WWOX: variants seen among roughly 807,000 people sequenced by gnomAD.
WWOX encodes WW domain containing oxidoreductase, also known as WW domain-containing oxidoreductase.
WWOX carries 69 observed loss-of-function variants against 46.2 expected under a neutral mutation model. The observed-to-expected ratio is 1.49, with a 90% confidence interval of 1.23 to 1.82. WWOX has a LOEUF of 1.82. WWOX is among the 40% of genes most tolerant of loss of function. The pLI, the probability that WWOX is intolerant of heterozygous loss-of-function variation, is 0.00. For synonymous variants in WWOX, 359 were observed against 202.6 expected, an observed-to-expected ratio of 1.77 and a Z score of -6.56; for missense variants, 919 against 542.6, an observed-to-expected ratio of 1.69 and a Z score of -6.89.
chr16:78,455,579 G>T (rs2083795139), intron 8 of WWOX, among the ~76,000 whole-genome samples: 1 of 146,780 alleles, frequency 6.8e-6, no homozygotes, highest in Non-Finnish European at 1.5e-5. Flanking sequence ...GGAGTAGGAG[G>T]CTGCAGTAAG....
chr16:78,195,768 G>A (rs943390655), intron 5 of WWOX, among the ~76,000 whole-genome samples: 4 of 142,750 alleles, frequency 2.8e-5, no homozygotes, highest in Non-Finnish European at 6.0e-5. Flanking sequence ...GTTGGCGTGA[G>A]CTGAGATCGC....
At chr16:78,195,971 A>G (rs71396164) in intron 5 of WWOX, among the ~76,000 whole-genome samples, 8,445 of 152,270 alleles carry the variant, frequency 0.055, 284 homozygotes, top group Non-Finnish European at 0.083. Flanking sequence ...GTAAGCTAAG[A>G]AAAGATAAGA....
At chr16:78,444,501 G>GAAGGAT (rs1435116866) in intron 8 of WWOX, among the ~76,000 whole-genome samples, 1 of 151,562 alleles carries the variant, frequency 6.6e-6, no homozygotes, top group Non-Finnish European at 1.5e-5. Context: ...GAAATTATAG[G>GAAGGAT]AAGGATACAG....
chr16:78,774,386 C>T (rs1009129420), intron 8 of WWOX, among the ~76,000 whole-genome samples: 1 of 151,812 alleles, frequency 6.6e-6, no homozygotes, highest in African/African-American at 2.4e-5. Flanking sequence ...GGTGACAGAG[C>T]GAGACAATGT....
Position 78,115,068 on chromosome 16 carries a change from A to T in WWOX, c.323A>T (p.Asp108Val), listed in dbSNP as rs771426542. The T allele has an allele frequency of 7.4e-6, 12 of 1,614,074 alleles. No individual in the cohort carries two copies. In the South Asian group the frequency reaches 1.2e-4, roughly 16 times the overall value. The change falls in exon 4 of 9, where the codon GAC (aspartate) becomes GTC (valine). Residue 108 changes from aspartate to valine, a missense_variant. Asp to Val is a radical substitution (Grantham distance 152, BLOSUM62 -3). Transcript: ENST00000566780. The stretch of plus-strand genomic sequence containing the variant: ...AAGCCAACCACCCGGCAAAGATACG[A>T]CGGCAGCACCACTGCCATGGAAATT... The part of the protein sequence containing the change: ...PTKPTTRQRY[D>V]GSTTAMEILQ...
intron 8 of WWOX, among the ~76,000 whole-genome samples, chr16:78,572,190 A>G (rs1425130661): frequency 6.6e-6 from 1 of 152,168 alleles, no homozygotes; most frequent in African/African-American, 2.4e-5. Flanking sequence ...CTACAATGAA[A>G]TGGGGAAATT....
intron 8 of WWOX, among the ~76,000 whole-genome samples, chr16:78,690,150 C>T (rs536626128): frequency 2.6e-4 from 39 of 152,224 alleles, no homozygotes; most frequent in East Asian, 9.7e-4. Flanking sequence ...TGTGAGCCAC[C>T]GAGCCCGGCC....
At chr16:79,058,961 C>T (rs188589618) in intron 8 of WWOX, among the ~76,000 whole-genome samples, 18 of 152,202 alleles carry the variant, frequency 1.2e-4, no homozygotes, top group African/African-American at 3.9e-4. Flanking sequence ...ACACATAGCA[C>T]CTTAAATCTG....
In WWOX at chr16:78,527,902, C is replaced by G. The variant is rs147992531; in HGVS notation, c.1056+95150C>G. On this transcript the variant is annotated intron_variant, in intron 8 of 8. Transcript: ENST00000566780. ...CCTGCAGTGCAAAGGACCATGCCCA[C>G]CACAAAATATCAGCAGTGCCCAGGT... Among the ~76,000 whole-genome samples the G allele has an allele frequency of 1.3e-3, 202 of 151,494 alleles. 7 individuals carry two copies. The South Asian group carries it at 0.04, about 30-fold the overall frequency.
At chr16:78,796,330 T>A (rs2050736662) in intron 8 of WWOX, among the ~76,000 whole-genome samples, 1 of 152,210 alleles carries the variant, frequency 6.6e-6, no homozygotes, top group Admixed American at 6.5e-5. Context: ...GCTGGATCCT[T>A]TAAGTCCAGA....
At chr16:79,033,768 A>G (rs561456512) in intron 8 of WWOX, among the ~76,000 whole-genome samples, 2 of 152,310 alleles carry the variant, frequency 1.3e-5, no homozygotes, top group South Asian at 2.1e-4. Context: ...TACTTTGTCT[A>G]TGAATTCGAC....
chr16:78,676,138 C>A (rs545752084), intron 8 of WWOX, among the ~76,000 whole-genome samples: 1 of 151,816 alleles, frequency 6.6e-6, no homozygotes, highest in Non-Finnish European at 1.5e-5. Flanking sequence ...GACTGAGAGC[C>A]CCCAAGGGTT....
At chr16:78,942,583 A>G (rs975241521) in intron 8 of WWOX, among the ~76,000 whole-genome samples, 1 of 147,938 alleles carries the variant, frequency 6.8e-6, no homozygotes, top group Non-Finnish European at 1.5e-5. Flanking sequence ...TCAGACAATC[A>G]AGGAGAGCGT....
At chr16:78,722,357 C>G (rs1330426675) in intron 8 of WWOX, among the ~76,000 whole-genome samples, 1 of 152,094 alleles carries the variant, frequency 6.6e-6, no homozygotes, top group Non-Finnish European at 1.5e-5. Flanking sequence ...AAATGGAGAT[C>G]GCAGTATCTA....
intron 5 of WWOX, among the ~76,000 whole-genome samples, chr16:78,222,379 G>T (rs1238783739): frequency 1.3e-5 from 2 of 150,634 alleles, no homozygotes; most frequent in African/African-American, 4.9e-5. Context: ...CCAACTAGCT[G>T]AGTGGCAACA....
chr16:78,498,214 A>AAAAAAAAAAAAAAAG (rs59419812), intron 8 of WWOX, among the ~76,000 whole-genome samples: 15 of 128,190 alleles, frequency 1.2e-4, no homozygotes, highest in Non-Finnish European at 2.1e-4. Context: ...CAAAAAAAAA[A>AAAAAAAAAAAAAAAG]AAAAGAAAAA....
chr16:78,207,291 A>G (rs1296124909), intron 5 of WWOX, among the ~76,000 whole-genome samples: 1 of 152,172 alleles, frequency 6.6e-6, no homozygotes, highest in African/African-American at 2.4e-5. Context: ...GTGGGCTTTG[A>G]TGACTATTCT....
intron 8 of WWOX, among the ~76,000 whole-genome samples, chr16:79,107,380 G>A (rs967052136): frequency 3.9e-5 from 6 of 152,092 alleles, no homozygotes; most frequent in African/African-American, 1.2e-4. Flanking sequence ...GAGTCACCGC[G>A]CCCAGCCCAA....
intron 8 of WWOX, among the ~76,000 whole-genome samples, chr16:78,473,153 C>T (rs544732252): frequency 9.9e-5 from 15 of 152,174 alleles, no homozygotes; most frequent in African/African-American, 2.2e-4. Flanking sequence ...GCTTTGAGAC[C>T]GAGTCTCACT....
Sources: gnomAD v4.1 joint callset for allele counts (sites outside exome capture counted in the v4.1 genomes callset) on GRCh38, gnomAD v4.1.1 for gene constraint, MANE v1.5 for transcripts, NCBI Gene and HGNC (gene_info 2026-07-23, HGNC 2026-07-21) for gene names.